TAFA4: variants seen among roughly 807,000 people sequenced by gnomAD.
The protein encoded by TAFA4 is TAFA chemokine like family member 4.
A neutral mutation model predicts 21.1 loss-of-function variants in TAFA4; 20 were observed. That is an observed-to-expected ratio of 0.95 (90% CI 0.67 to 1.38). The LOEUF (loss-of-function observed/expected upper bound fraction) is 1.38. Ranked by LOEUF, TAFA4 falls within the 40% of genes most tolerant of loss-of-function variation. TAFA4 has a pLI of 0.00. For missense variants in TAFA4, 211 were observed against 180.9 expected, an observed-to-expected ratio of 1.17 and a Z score of -0.95; for synonymous variants, 71 against 67.4, an observed-to-expected ratio of 1.05 and a Z score of -0.26.
intron 3 of TAFA4, among the ~76,000 whole-genome samples, chr3:68,874,617 T>C (rs2089524986): frequency 6.6e-6 from 1 of 152,068 alleles, no homozygotes; most frequent in South Asian, 2.1e-4. Flanking sequence ...GTAAGGAGAA[T>C]CTTTTCCCAA....
chr3:68,819,276 A>T (rs905857244), intron 3 of TAFA4, among the ~76,000 whole-genome samples: 35 of 17,024 alleles, frequency 2.1e-3, no homozygotes, highest in African/African-American at 6.2e-3. Context: ...TCTTTAATTA[A>T]AAAAAAAAAA....
At chr3:68,876,236 T>G (rs2089548287) in intron 3 of TAFA4, among the ~76,000 whole-genome samples, 1 of 152,192 alleles carries the variant, frequency 6.6e-6, no homozygotes, top group Admixed American at 6.5e-5. Context: ...TGCCTTTTAC[T>G]TTTTTCAGCG....
At chr3:68,929,043 T>G (rs1381617141) in intron 1 of TAFA4, among the ~76,000 whole-genome samples, 3 of 151,480 alleles carry the variant, frequency 2.0e-5, no homozygotes, top group South Asian at 4.2e-4. Context: ...GAATAGCAAC[T>G]GTACAACAGG....
At position 68,832,313 on chromosome 3, in the gene TAFA4, G is replaced by A. The variant is rs541826310; in HGVS notation, c.130+48417C>T. ...TGCTCTGGTTTCTCCCCATCTTTGC[G>A]GTTTTATCTACCTTTGGTCTTTGAT... On this transcript the variant is annotated intron_variant, in intron 3 of 5. Coordinates refer to ENST00000295569, the MANE Select transcript of TAFA4 (RefSeq NM_182522.5). Among the ~76,000 whole-genome samples, 9 of 152,204 alleles carry A rather than the reference G, an allele frequency of 5.9e-5. No individual in the cohort carries two copies. In the South Asian group the frequency reaches 1.2e-3, roughly 21 times the overall value.
intron 3 of TAFA4, among the ~76,000 whole-genome samples, chr3:68,829,907 T>C (rs1434257850): frequency 6.6e-6 from 1 of 152,192 alleles, no homozygotes; most frequent in Non-Finnish European, 1.5e-5. Context: ...CTTCCTGGTT[T>C]AGTCTTGGGA....
chr3:68,828,540 T>C (rs188694498), intron 3 of TAFA4, among the ~76,000 whole-genome samples: 1 of 152,336 alleles, frequency 6.6e-6, no homozygotes, highest in Non-Finnish European at 1.5e-5. Flanking sequence ...GTTTGGGTCC[T>C]CTTTTATTTC....
intron 3 of TAFA4, among the ~76,000 whole-genome samples, chr3:68,833,002 C>A (rs1052885550): frequency 6.6e-6 from 1 of 152,246 alleles, no homozygotes; most frequent in Admixed American, 6.5e-5. Flanking sequence ...GGGCATGGGA[C>A]GTGCCAAGCC....
chr3:68,737,886 C>CAGTATGTCCAGCTCTAATGATCTTAGA (rs1702273108), intron 5 of TAFA4, among the ~76,000 whole-genome samples: 1 of 152,144 alleles, frequency 6.6e-6, no homozygotes, highest in African/African-American at 2.4e-5. Context: ...CACTCCATTC[C>CAGTATGTCCAGCTCTAATGATCTTAGA]AGTATGTCCA....
At chr3:68,881,699 TACC>T in intron 2 of TAFA4, among the ~76,000 whole-genome samples, 1 of 152,300 alleles carries the variant, frequency 6.6e-6, no homozygotes, top group Non-Finnish European at 1.5e-5. Flanking sequence ...CATCTATTAT[TACC>T]ACAATGGATC....
At position 68,785,317 on chromosome 3, in the gene TAFA4, C is replaced by T. The variant is rs972868795; in HGVS notation, c.131-32299G>A. On this transcript the variant is annotated intron_variant, in intron 3 of 5. Transcript: ENST00000295569. ...CAGTCCCGCACCATGCGCCCACACTCCTCAGCCCTTGGGTGGTCGATGGGA... is the reference window on the plus strand; with the variant it reads ...CAGTCCCGCACCATGCGCCCACACTTCTCAGCCCTTGGGTGGTCGATGGGA... Among the ~76,000 whole-genome samples the T allele has an allele frequency of 4.6e-5, 7 of 152,274 alleles. No individual in the cohort carries two copies. In the South Asian group the frequency reaches 1.2e-3, roughly 27 times the overall value.
Position 68,867,949 on chromosome 3 carries a change from A to G in TAFA4, c.130+12781T>C, listed in dbSNP as rs543719497. Reference sequence around the variant, plus strand: ...ACAAAGGAAGAAAGAGAGGAGTCACAAAACAACCAGAAAATAACAATATGA... The same window carrying G: ...ACAAAGGAAGAAAGAGAGGAGTCACGAAACAACCAGAAAATAACAATATGA... On this transcript the variant is annotated intron_variant, in intron 3 of 5. Coordinates refer to ENST00000295569, the MANE Select transcript of TAFA4 (RefSeq NM_182522.5). 9.2e-5 allele frequency among the ~76,000 whole-genome samples: 14 copies of G among 152,242 alleles called. No homozygotes were observed. In the South Asian group the frequency reaches 2.3e-3, roughly 25 times the overall value.
intron 3 of TAFA4, among the ~76,000 whole-genome samples, chr3:68,802,962 G>A (rs1454752531): frequency 6.6e-6 from 1 of 152,144 alleles, no homozygotes; most frequent in African/African-American, 2.4e-5. Flanking sequence ...AAGCTTACAG[G>A]GATGCTGAGC....
intron 1 of TAFA4, among the ~76,000 whole-genome samples, chr3:68,904,838 G>A (rs1027971889): frequency 2.6e-5 from 4 of 152,150 alleles, no homozygotes; most frequent in African/African-American, 9.7e-5. Context: ...ACTTTTGCTG[G>A]TCCACCAGTG....
At chr3:68,785,598 C>T (rs556754639) in intron 3 of TAFA4, among the ~76,000 whole-genome samples, 5 of 152,382 alleles carry the variant, frequency 3.3e-5, no homozygotes, top group South Asian at 4.1e-4. Flanking sequence ...CTGGAACTCG[C>T]GCTAGCCCAC....
chr3:68,813,192 T>G (rs1703880579), intron 3 of TAFA4, among the ~76,000 whole-genome samples: 2 of 151,662 alleles, frequency 1.3e-5, no homozygotes, highest in Non-Finnish European at 2.9e-5. Context: ...AGAGGGAAAT[T>G]TATAGCACTA....
chr3:68,827,266 T>C (rs1264452570), intron 3 of TAFA4, among the ~76,000 whole-genome samples: 1 of 152,224 alleles, frequency 6.6e-6, no homozygotes, highest in Non-Finnish European at 1.5e-5. Flanking sequence ...GTGCCACATT[T>C]TCTTTATCCA....
At chr3:68,766,500 A>G (rs1017402781) in intron 3 of TAFA4, among the ~76,000 whole-genome samples, 1 of 152,190 alleles carries the variant, frequency 6.6e-6, no homozygotes, top group African/African-American at 2.4e-5. Flanking sequence ...CAATCAGACA[A>G]TAATACAAAA....
At chr3:68,867,821 G>T (rs948185065) in intron 3 of TAFA4, among the ~76,000 whole-genome samples, 2 of 151,874 alleles carry the variant, frequency 1.3e-5, no homozygotes, top group Non-Finnish European at 2.9e-5. Context: ...GGTAAACCCT[G>T]CGAGGCAAAA....
At chr3:68,770,873 A>C (rs1257454967) in intron 3 of TAFA4, among the ~76,000 whole-genome samples, 1 of 152,112 alleles carries the variant, frequency 6.6e-6, no homozygotes, top group Non-Finnish European at 1.5e-5. Flanking sequence ...TTTTGTGCCC[A>C]AAAAGTTGCC....
Sources: gnomAD v4.1 joint callset for allele counts (sites outside exome capture counted in the v4.1 genomes callset) on GRCh38, gnomAD v4.1.1 for gene constraint, MANE v1.5 for transcripts, NCBI Gene and HGNC (gene_info 2026-07-23, HGNC 2026-07-21) for gene names.